The following CNOT11 variants were observed in gnomAD, a reference collection of about 807,000 sequenced individuals.
CNOT11 encodes UPF0760 protein C2orf29.
CNOT11 carries 18 observed loss-of-function variants against 44.6 expected under a neutral mutation model. That is an observed-to-expected ratio of 0.40 (90% CI 0.28 to 0.60). CNOT11 has a LOEUF of 0.60. Among genes scored for constraint, CNOT11 ranks in the 20% least tolerant of loss-of-function variants. The probability of loss-of-function intolerance (pLI) is 0.38; values close to 1 mark genes in which losing one functional copy is unlikely to be tolerated. For missense variants in CNOT11, 513 were observed against 677.0 expected (o/e 0.76, Z 2.69); for synonymous variants, 291 against 270.9 (o/e 1.07, Z -0.73).
Position 101,252,945 on chromosome 2 carries a change from G to C in CNOT11, c.-20G>C. ...GCCAGGGCCCCTCGGGCCGGGAAGA[G>C]GGGAAGGGGAGCGAGGTTGATGCCC... is the stretch of plus-strand genomic sequence containing the variant. On this transcript the variant is annotated 5_prime_UTR_variant, in exon 1 of 7. Coordinates refer to ENST00000289382, the MANE Select transcript of CNOT11 (RefSeq NM_017546.5). 3 of 1,441,826 alleles carry C rather than the reference G, an allele frequency of 2.1e-6. No homozygotes were observed. Among genetic ancestry groups the C allele is most frequent in the Non-Finnish European group, 9.0e-7 (1 of 1,107,170 alleles). 89.3% of individuals were successfully genotyped at this position (1,441,826 alleles called of 1,614,324 possible).
intron 1 of CNOT11, among the ~76,000 whole-genome samples, chr2:101,254,432 T>C (rs1681694597): frequency 6.6e-6 from 1 of 152,142 alleles, no homozygotes; most frequent in Non-Finnish European, 1.5e-5. Flanking sequence ...GGGCATCCCA[T>C]CAGGATCTTC....
At chr2:101,265,193 C>T (rs1365595728) in intron 4 of CNOT11, 146 bp downstream of exon 4, 9 of 484,122 alleles carry the variant, frequency 1.9e-5, no homozygotes, top group East Asian at 1.0e-4. Flanking sequence ...CTCTGCCTCC[C>T]GGGTTCAAGT....
Position 101,262,800 on chromosome 2 carries a change from G to A in CNOT11, c.832+109G>A, listed in dbSNP as rs935365309. ...TTTTATTTTTATTATGACTTAAATT[G>A]TAATTTAGTGTGAATCTTTCTAGTG... On this transcript the variant is annotated intron_variant, in intron 3 of 6. Transcript: ENST00000289382. The A allele has an allele frequency of 4.9e-6, 4 of 808,082 alleles. No individual in the cohort carries two copies. The African/African-American group carries it at 5.2e-5, about 11-fold the overall frequency. The allele number at this position is 808,082 out of a possible 1,614,324, so 50.1% of individuals were successfully genotyped here. A position where few individuals can be genotyped will look rare whatever the true frequency, so the allele number is the denominator to read the frequency against.
intron 4 of CNOT11, among the ~76,000 whole-genome samples, chr2:101,266,066 CAT>C (rs960451102): frequency 7.6e-4 from 115 of 152,302 alleles, no homozygotes; most frequent in African/African-American, 2.7e-3. Flanking sequence ...GGAAAAAAAG[CAT>C]AGGACATTTA....
intron 3 of CNOT11, among the ~76,000 whole-genome samples, chr2:101,264,217 T>A (rs1681927519): frequency 6.6e-6 from 1 of 152,210 alleles, no homozygotes; most frequent in Admixed American, 6.5e-5. Context: ...ATGAATCTTG[T>A]TTTATAAAAT....
At position 101,269,004 on chromosome 2, in the gene CNOT11, T is replaced by G; in HGVS notation, c.1239-36T>G. On this transcript the variant is annotated intron_variant, in intron 5 of 6. Coordinates refer to ENST00000289382, the MANE Select transcript of CNOT11 (RefSeq NM_017546.5). The surrounding 1 kb of genome is among the most constrained non-coding windows in gnomAD (Gnocchi z 4.8). ...AACAGTGTTTCTCAATGTTAGCAAA[T>G]GAAATTAATGGGCCAAATTTTCTTT... The G allele has an allele frequency of 1.4e-5, 19 of 1,358,082 alleles. No individual in the cohort carries two copies. Among genetic ancestry groups the G allele is most frequent in the Non-Finnish European group, 2.0e-5 (19 of 968,784 alleles). 84.1% of individuals were successfully genotyped at this position (1,358,082 alleles called of 1,614,324 possible). A position where few individuals can be genotyped will look rare whatever the true frequency, so the allele number is the denominator to read the frequency against.
intron 2 of CNOT11, 81 bp from the exon 3 acceptor site, chr2:101,262,458 C>G: frequency 7.7e-7 from 1 of 1,301,666 alleles, no homozygotes. Flanking sequence ...TTCTCTGTTA[C>G]AGATAGCTTG....
At position 101,252,976 on chromosome 2, in the gene CNOT11, A is replaced by G; in HGVS notation, c.12A>G (p.Gly4=). The G allele has an allele frequency of 6.7e-7, 1 of 1,484,028 alleles. No individual in the cohort carries two copies. The highest frequency in any genetic ancestry group is 1.3e-5 in the South Asian group (1 of 78,342). 91.9% of individuals were successfully genotyped at this position (1,484,028 alleles called of 1,614,324 possible). Residue 4 remains glycine (G), a synonymous_variant, in exon 1 of 7, where the codon GGA becomes GGG. Transcript: ENST00000289382. MPG[G]GASAASGRLL... is the part of the protein sequence containing the mutation. Reference sequence around the variant, plus strand: ...GGGGAGCGAGGTTGATGCCCGGCGGAGGGGCGAGCGCGGCGTCTGGCCGGC... The same window carrying G: ...GGGGAGCGAGGTTGATGCCCGGCGGGGGGGCGAGCGCGGCGTCTGGCCGGC...
At chr2:101,256,924 C>T (rs1681745253) in intron 1 of CNOT11, among the ~76,000 whole-genome samples, 1 of 152,028 alleles carries the variant, frequency 6.6e-6, no homozygotes, top group Non-Finnish European at 1.5e-5. Context: ...TGGCGGGCGC[C>T]TGTAGTCCCA....
Position 101,253,505 on chromosome 2 carries a change from G to C in CNOT11, c.514+27G>C. ...TACCTCCTGAAGCCAGCTGTGCCGT[G>C]TGGATAGCGTTAGATTCCGCAGCTT... On this transcript the variant is annotated intron_variant, in intron 1 of 6. Transcript: ENST00000289382. This position sits in a 1 kb window ranked among gnomAD's most constrained non-coding sequence, Gnocchi z 4.3. 7.0e-7 allele frequency: 1 copy of C among 1,421,432 alleles called. No homozygotes were observed. Among genetic ancestry groups the C allele is most frequent in the East Asian group, 2.8e-5 (1 of 36,302 alleles). 88.1% of individuals were successfully genotyped at this position (1,421,432 alleles called of 1,614,324 possible).
At chr2:101,264,325 A>G (rs1010922535) in intron 3 of CNOT11, among the ~76,000 whole-genome samples, 12 of 152,220 alleles carry the variant, frequency 7.9e-5, no homozygotes, top group Non-Finnish European at 1.3e-4. Flanking sequence ...CGGTTTCCAC[A>G]TTCGTTTCGA....
chr2:101,261,801 A>G (rs965611533), intron 2 of CNOT11, among the ~76,000 whole-genome samples: 2 of 145,432 alleles, frequency 1.4e-5, no homozygotes, highest in South Asian at 2.2e-4. Flanking sequence ...CAAAATCCTT[A>G]TTAAAGTTAC....
At chr2:101,267,939 C>T (rs1033389370) in intron 5 of CNOT11, among the ~76,000 whole-genome samples, 2 of 152,132 alleles carry the variant, frequency 1.3e-5, no homozygotes, top group South Asian at 4.1e-4. Flanking sequence ...AGTTTTTGAA[C>T]ACCTGTTTGT....
chr2:101,267,024 A>C, intron 5 of CNOT11, 145 bp downstream of exon 5: 1 of 613,106 alleles, frequency 1.6e-6, no homozygotes. Context: ...CATTCACTAC[A>C]TGTAAATTTA....
intron 3 of CNOT11, among the ~76,000 whole-genome samples, chr2:101,263,399 A>T (rs933005154): frequency 3.3e-5 from 5 of 152,188 alleles, no homozygotes; most frequent in African/African-American, 4.8e-5. Context: ...AATTTGAAAT[A>T]ATATAGCTGC....
intron 1 of CNOT11, among the ~76,000 whole-genome samples, chr2:101,254,462 C>T (rs1681695391): frequency 6.6e-6 from 1 of 152,134 alleles, no homozygotes. Flanking sequence ...TCCTGTAGTG[C>T]CCTTATCTAA....
At chr2:101,255,493 T>G (rs1681718002) in intron 1 of CNOT11, among the ~76,000 whole-genome samples, 1 of 142,224 alleles carries the variant, frequency 7.0e-6, no homozygotes, top group Non-Finnish European at 1.6e-5. Flanking sequence ...GGACTCCGTC[T>G]CAAAAAAAAA....
Position 101,259,902 on chromosome 2 carries a change from C to T in CNOT11, c.679+1947C>T, listed in dbSNP as rs565863574. ...AAGTAATTAAAAAAATAAAAATTAC[C>T]TGGGTATGGTGGTGTGTGCACTTGT... On this transcript the variant is annotated intron_variant, in intron 2 of 6. Transcript: ENST00000289382. Among the ~76,000 whole-genome samples, 296 of 152,018 alleles carry T rather than the reference C, an allele frequency of 1.9e-3. 2 individuals are homozygous for T. Among genetic ancestry groups the T allele is most frequent in the African/African-American group, 6.9e-3 (285 of 41,458 alleles).
chr2:101,266,582 G>A, intron 4 of CNOT11, 95 bp from the exon 5 acceptor site: 4 of 902,172 alleles, frequency 4.4e-6, no homozygotes, highest in Middle Eastern at 4.4e-4. Flanking sequence ...GTAGCTTTTT[G>A]TATAAAATGC....
Sources: gnomAD v4.1 joint callset for allele counts (sites outside exome capture counted in the v4.1 genomes callset) on GRCh38, gnomAD v4.1.1 for gene constraint, Gnocchi (gnomAD v3.1) non-coding constraint, MANE v1.5 for transcripts, NCBI Gene and HGNC (gene_info 2026-07-23, HGNC 2026-07-21) for gene names.